The following FUT8 variants were observed in gnomAD, a reference collection of about 807,000 sequenced individuals.
FUT8 encodes the protein fucosyltransferase 8.
Under a neutral mutation model 71.3 loss-of-function variants are expected in FUT8, and 29 were observed. That is an observed-to-expected ratio of 0.41 (90% CI 0.30 to 0.55). The LOEUF is 0.55. FUT8 is among the 20% of genes least tolerant of loss of function. The probability of loss-of-function intolerance (pLI) is 0.34; values close to 1 mark genes in which losing one functional copy is unlikely to be tolerated. For missense variants in FUT8, 544 were observed against 702.1 expected (o/e 0.77, Z 2.55); for synonymous variants, 254 against 239.3 (o/e 1.06, Z -0.57).
At chr14:65,442,173 G>T (rs1345984087) in intron 1 of FUT8, among the ~76,000 whole-genome samples, 1 of 151,612 alleles carries the variant, frequency 6.6e-6, no homozygotes, top group Non-Finnish European at 1.5e-5. Flanking sequence ...AACAGCTAAG[G>T]GTGGACTTTT....
chr14:65,569,792 T>C (rs1886380583), intron 3 of FUT8, among the ~76,000 whole-genome samples: 1 of 152,006 alleles, frequency 6.6e-6, no homozygotes, highest in South Asian at 2.1e-4. Context: ...AAAGGCACTG[T>C]GGAGGCTACA....
intron 2 of FUT8, among the ~76,000 whole-genome samples, chr14:65,471,758 C>T (rs750010796): frequency 6.6e-6 from 1 of 151,728 alleles, no homozygotes; most frequent in African/African-American, 2.4e-5. Context: ...TTTTTTACCC[C>T]CAGCTTTTTT....
chr14:65,508,730 G>A lies in FUT8; in HGVS notation c.-227-52607G>A, dbSNP rs148758290. 5.7e-3 allele frequency among the ~76,000 whole-genome samples: 864 copies of A among 151,718 alleles called. 30 individuals carry two copies. In the East Asian group the frequency reaches 0.092, roughly 16 times the overall value. On this transcript the variant is annotated intron_variant, in intron 2 of 10. Coordinates refer to ENST00000673929, the MANE Select transcript of FUT8 (RefSeq NM_001371533.1). The stretch of plus-strand genomic sequence containing the variant: ...TTGGCCAGGCTGGTCTTGAACTCCT[G>A]ACCTCAGGTAATCCACCCGCTTCCG...
the FUT8 span, among the ~76,000 whole-genome samples, chr14:65,380,486 A>G: frequency 1.4e-4 from 21 of 152,216 alleles, no homozygotes; most frequent in African/African-American, 4.1e-4. Flanking sequence ...TTTTAGAGGC[A>G]TGGTTCAGCA....
At position 65,742,482 on chromosome 14, in the gene FUT8, G is replaced by GT; in HGVS notation, c.*73dup. 1 of 1,299,284 alleles carries GT rather than the reference G, an allele frequency of 7.7e-7. No homozygotes were observed. The highest frequency in any genetic ancestry group is 1.1e-6 in the Non-Finnish European group (1 of 935,078). The allele number at this position is 1,299,284 out of a possible 1,614,324, so 80.5% of individuals were successfully genotyped here. A position where few individuals can be genotyped will look rare whatever the true frequency, so the allele number is the denominator to read the frequency against. On this transcript the variant is annotated 3_prime_UTR_variant, in exon 11 of 11. Coordinates refer to ENST00000673929, the MANE Select transcript of FUT8 (RefSeq NM_001371533.1). ...CAGTTCAAACCATTTCAGCCAAACT[G>GT]TAGATGAAGAGGGCTCTGATCTAAC...
rs374262181 is a variant in FUT8 at position 65,690,098 on chromosome 14, A to G, written c.835+20618A>G. Among the ~76,000 whole-genome samples, 19 of 152,288 alleles carry G rather than the reference A, an allele frequency of 1.2e-4. 3 individuals are homozygous for G. The highest frequency in any genetic ancestry group is 4.3e-4 in the African/African-American group (18 of 41,562). On this transcript the variant is annotated intron_variant, in intron 7 of 10. Transcript: ENST00000673929. ...TGTTTGTTTGTTTGTTGTTTTTGCA[A>G]GTAGATGTCTAATTTTTCCAGCACC... is the stretch of plus-strand genomic sequence containing the variant.
the FUT8 span, among the ~76,000 whole-genome samples, chr14:65,386,580 T>C: frequency 2.0e-4 from 30 of 151,030 alleles, no homozygotes; most frequent in East Asian, 5.8e-3. Flanking sequence ...TTTCTTAACA[T>C]GCTCATGCCT....
chr14:65,451,942 T>A (rs1049852761), intron 1 of FUT8, among the ~76,000 whole-genome samples: 1 of 152,196 alleles, frequency 6.6e-6, no homozygotes, highest in African/African-American at 2.4e-5. Flanking sequence ...AACGGAGATA[T>A]AAGCTCTCAC....
At chr14:65,739,828 T>G (rs1010920824) in intron 10 of FUT8, among the ~76,000 whole-genome samples, 1 of 152,094 alleles carries the variant, frequency 6.6e-6, no homozygotes, top group African/African-American at 2.4e-5. Context: ...CTTATTAGTA[T>G]AACCTTGAGC....
chr14:65,742,472 C>G lies in FUT8; in HGVS notation c.*62C>G, dbSNP rs1054218. ...CGACCAAACTCAGTTCAAACCATTT[C>G]AGCCAAACTGTAGATGAAGAGGGCT... On this transcript the variant is annotated 3_prime_UTR_variant, in exon 11 of 11. Coordinates refer to ENST00000673929, the MANE Select transcript of FUT8 (RefSeq NM_001371533.1). The G allele has an allele frequency of 0.59, 850,328 of 1,441,970 alleles. 252,349 individuals are homozygous for G. Among genetic ancestry groups the G allele is most frequent in the Non-Finnish European group, 0.61 (645,563 of 1,057,302 alleles). 89.3% of individuals were successfully genotyped at this position (1,441,970 alleles called of 1,614,324 possible).
chr14:65,671,808 G>A (rs1892491649), intron 7 of FUT8, among the ~76,000 whole-genome samples: 1 of 152,142 alleles, frequency 6.6e-6, no homozygotes, highest in Non-Finnish European at 1.5e-5. Flanking sequence ...GCCCTTTAGA[G>A]AAACTATTGA....
the FUT8 span, among the ~76,000 whole-genome samples, chr14:65,392,827 G>C: frequency 6.6e-6 from 1 of 152,166 alleles, no homozygotes. Flanking sequence ...CCCACTGTTA[G>C]TGTTGCCAGA....
chr14:65,588,807 T>A (rs900375994), intron 3 of FUT8, among the ~76,000 whole-genome samples: 1 of 152,236 alleles, frequency 6.6e-6, no homozygotes, highest in African/African-American at 2.4e-5. Flanking sequence ...ATTATTCTTG[T>A]TAATCTCTTA....
upstream of FUT8, chr14:65,411,562 T>A (rs908823786): frequency 1.1e-5 from 2 of 174,270 alleles, no homozygotes; most frequent in African/African-American, 4.8e-5. Flanking sequence ...GGCCACTGCC[T>A]CTTAAATCTC....
the FUT8 span, among the ~76,000 whole-genome samples, chr14:65,360,127 G>A: frequency 6.6e-6 from 1 of 152,106 alleles, no homozygotes; most frequent in Non-Finnish European, 1.5e-5. Flanking sequence ...CACTGCACCT[G>A]GCCAGGCACA....
intron 7 of FUT8, among the ~76,000 whole-genome samples, chr14:65,678,456 G>T (rs1390867651): frequency 1.3e-5 from 2 of 152,186 alleles, no homozygotes; most frequent in African/African-American, 4.8e-5. Flanking sequence ...CTGGGACAGG[G>T]TTGCCTTCTT....
chr14:65,458,085 G>C (rs1342189574), intron 2 of FUT8: 1 of 151,822 alleles, frequency 6.6e-6, no homozygotes, highest in Non-Finnish European at 1.5e-5. Context: ...AGGAGGCTGA[G>C]GCAGGAGAAT....
the FUT8 span, among the ~76,000 whole-genome samples, chr14:65,366,279 A>C: frequency 6.6e-6 from 1 of 152,234 alleles, no homozygotes; most frequent in African/African-American, 2.4e-5. Flanking sequence ...AATGTTGTGC[A>C]GAGTGAATGA....
intron 7 of FUT8, among the ~76,000 whole-genome samples, chr14:65,675,858 G>A (rs371391722): frequency 4.6e-5 from 7 of 151,556 alleles, no homozygotes; most frequent in South Asian, 2.1e-4. Context: ...TCAGCCTGGC[G>A]TGGTGATGGG....
Sources: gnomAD v4.1 joint callset for allele counts (sites outside exome capture counted in the v4.1 genomes callset) on GRCh38, gnomAD v4.1.1 for gene constraint, MANE v1.5 for transcripts, NCBI Gene and HGNC (gene_info 2026-07-23, HGNC 2026-07-21) for gene names.